Variants in KLHL29 observed in about 807,000 individuals in gnomAD.
The protein encoded by KLHL29 is kelch-like protein 29.
A neutral mutation model predicts 80.4 loss-of-function variants in KLHL29; 21 were observed. That is an observed-to-expected ratio of 0.26 (90% CI 0.19 to 0.38). The LOEUF (loss-of-function observed/expected upper bound fraction) is 0.38. Ranked by LOEUF, KLHL29 falls within the 10% of genes least tolerant of loss-of-function variation. The probability of loss-of-function intolerance (pLI) is 1.00; values close to 1 mark genes in which losing one functional copy is unlikely to be tolerated. For missense variants in KLHL29, 867 were observed against 1,223.9 expected, an observed-to-expected ratio of 0.71 and a Z score of 4.35; for synonymous variants, 511 against 526.8, an observed-to-expected ratio of 0.97 and a Z score of 0.41.
At chr2:23,390,068 C>T (rs1666280196) in intron 1 of KLHL29, among the ~76,000 whole-genome samples, 1 of 152,182 alleles carries the variant, frequency 6.6e-6, no homozygotes, top group Non-Finnish European at 1.5e-5. Flanking sequence ...CTACAACCGC[C>T]ACAGGCTTAC....
At chr2:23,419,888 C>T (rs1306300520) in intron 1 of KLHL29, among the ~76,000 whole-genome samples, 1 of 152,198 alleles carries the variant, frequency 6.6e-6, no homozygotes, top group Admixed American at 6.5e-5. Context: ...ATTAGGCTGC[C>T]TGTCCCAGCT....
At chr2:23,476,640 C>T (rs1396607079) in intron 2 of KLHL29, among the ~76,000 whole-genome samples, 1 of 152,194 alleles carries the variant, frequency 6.6e-6, no homozygotes, top group Non-Finnish European at 1.5e-5. Context: ...AATGCCCTAA[C>T]GATGGACATT....
At chr2:23,527,095 T>A (rs1281419663) in intron 2 of KLHL29, among the ~76,000 whole-genome samples, 2 of 152,140 alleles carry the variant, frequency 1.3e-5, no homozygotes, top group African/African-American at 4.8e-5. Flanking sequence ...CCAGGAGAAC[T>A]GGGCGACGGT....
intron 1 of KLHL29, among the ~76,000 whole-genome samples, chr2:23,439,157 T>C (rs1377226231): frequency 6.6e-6 from 1 of 150,908 alleles, no homozygotes; most frequent in Non-Finnish European, 1.5e-5. Flanking sequence ...GGTGGTGATA[T>C]CCCCTTTATC....
chr2:23,685,903 C>T (rs986148584), intron 6 of KLHL29, among the ~76,000 whole-genome samples: 8 of 152,174 alleles, frequency 5.3e-5, no homozygotes, highest in African/African-American at 1.9e-4. Flanking sequence ...TCCAAACCAG[C>T]TAGAGAGGAC....
Position 23,685,026 on chromosome 2 carries a change from G to A in KLHL29, c.1079+489G>A, listed in dbSNP as rs1244981726. On this transcript the variant is annotated intron_variant, in intron 6 of 13. Coordinates refer to ENST00000486442, the MANE Select transcript of KLHL29 (RefSeq NM_052920.2). ...GCTGAGGAGCACAAGGTGCCCCCGG[G>A]GCTGCTTTTCCCCAGCCCAAGTAGG... Among the ~76,000 whole-genome samples, 3 of 152,174 alleles carry A rather than the reference G, an allele frequency of 2.0e-5. No homozygotes were observed. In the East Asian group the frequency reaches 5.8e-4, roughly 29 times the overall value.
intron 1 of KLHL29, among the ~76,000 whole-genome samples, chr2:23,467,893 C>A (rs1179450045): frequency 4.6e-5 from 7 of 151,876 alleles, no homozygotes; most frequent in Non-Finnish European, 8.8e-5. Flanking sequence ...CTGAGGAAGA[C>A]CCCTCTTCAT....
Position 23,691,361 on chromosome 2 carries a change from G to C in KLHL29, c.1080-313G>C, listed in dbSNP as rs751921566. The stretch of plus-strand genomic sequence containing the variant: ...ACCAGGGCCTGCAGTGGGCTGAACC[G>C]TATTGTTTCCCTTTGAGGCCAGTCC... On this transcript the variant is annotated intron_variant, in intron 6 of 13. Coordinates refer to ENST00000486442, the MANE Select transcript of KLHL29 (RefSeq NM_052920.2). 3.0e-5 allele frequency: 12 copies of C among 406,230 alleles called. 1 individual carries two copies. In the East Asian group the frequency reaches 6.6e-4, roughly 22 times the overall value. 25.2% of individuals were successfully genotyped at this position (406,230 alleles called of 1,614,324 possible).
At position 23,647,020 on chromosome 2, in the gene KLHL29, A is replaced by G. The variant is rs142474120; in HGVS notation, c.940+4170A>G. Reference sequence around the variant, plus strand: ...AGTTCAGCAGAGAAGGAGGCTAGGGAAGGGGCAGAAGGCCAGGCCCTCCCC... The same window carrying G: ...AGTTCAGCAGAGAAGGAGGCTAGGGGAGGGGCAGAAGGCCAGGCCCTCCCC... On this transcript the variant is annotated intron_variant, in intron 5 of 13. Transcript: ENST00000486442. The surrounding 1 kb of genome is among the most constrained non-coding windows in gnomAD (Gnocchi z 4.9). Among the ~76,000 whole-genome samples the G allele has an allele frequency of 1.8e-4, 28 of 152,304 alleles. No individual in the cohort carries two copies. The East Asian group carries it at 5.2e-3, about 28-fold the overall frequency.
chr2:23,631,205 C>T (rs1175260769), intron 3 of KLHL29, among the ~76,000 whole-genome samples: 1 of 152,208 alleles, frequency 6.6e-6, no homozygotes, highest in Non-Finnish European at 1.5e-5. Context: ...CTCCTACCAC[C>T]TGCCCCATCA....
In KLHL29 at chr2:23,706,585, G is replaced by A; in HGVS notation, c.2549G>A (p.Trp850Ter). ...MEAYEPTTNT[W>*]TLLPHMPCPV... ...GCCTACGAGCCCACAACCAACACATGGACCCTCCTCCCCCACATGCCCTGC... is the reference window on the plus strand; with the variant it reads ...GCCTACGAGCCCACAACCAACACATAGACCCTCCTCCCCCACATGCCCTGC... The change falls in exon 14 of 14, where the codon TGG becomes TAG. Residue 850 changes from tryptophan (W) to a stop codon, truncating the protein, a stop_gained. Coordinates refer to ENST00000486442, the MANE Select transcript of KLHL29 (RefSeq NM_052920.2). LOFTEE classifies it high-confidence loss of function. 3 of 1,537,132 alleles carry A rather than the reference G, an allele frequency of 2.0e-6. No individual in the cohort carries two copies. Among genetic ancestry groups the A allele is most frequent in the Non-Finnish European group, 2.6e-6 (3 of 1,146,836 alleles).
At chr2:23,621,022 C>T (rs1669167791) in intron 3 of KLHL29, among the ~76,000 whole-genome samples, 1 of 152,244 alleles carries the variant, frequency 6.6e-6, no homozygotes, top group South Asian at 2.1e-4. Context: ...TCTCATTGCT[C>T]AGGCTGGCAG....
intron 1 of KLHL29, among the ~76,000 whole-genome samples, chr2:23,425,895 CAGAG>C (rs1662992537): frequency 6.6e-6 from 1 of 152,136 alleles, no homozygotes; most frequent in South Asian, 2.1e-4. Context: ...AATCAAAGCC[CAGAG>C]AGGTGGGAAG....
chr2:23,494,097 CCT>C (rs1303057500), intron 2 of KLHL29, among the ~76,000 whole-genome samples: 23 of 152,284 alleles, frequency 1.5e-4, no homozygotes, highest in Middle Eastern at 3.4e-3. Context: ...TCGTATAAGA[CCT>C]CTGGGAAGCT....
At chr2:23,423,748 C>T (rs981406672) in intron 1 of KLHL29, among the ~76,000 whole-genome samples, 9 of 152,146 alleles carry the variant, frequency 5.9e-5, no homozygotes, top group African/African-American at 4.8e-5. Flanking sequence ...GCTGGTGCCC[C>T]GGGGCCTCCC....
intron 2 of KLHL29, among the ~76,000 whole-genome samples, chr2:23,492,761 T>G (rs1665140815): frequency 6.6e-6 from 1 of 152,158 alleles, no homozygotes; most frequent in South Asian, 2.1e-4. Context: ...GGTGATATCC[T>G]TAGAGAAGGG....
At chr2:23,424,278 A>G (rs1392488155) in intron 1 of KLHL29, among the ~76,000 whole-genome samples, 2 of 152,158 alleles carry the variant, frequency 1.3e-5, no homozygotes, top group Admixed American at 6.5e-5. Context: ...CTGAGTGTGC[A>G]CGTGTGCATG....
intron 2 of KLHL29, among the ~76,000 whole-genome samples, chr2:23,513,447 G>T (rs1266104410): frequency 6.6e-6 from 1 of 152,152 alleles, no homozygotes; most frequent in African/African-American, 2.4e-5. Context: ...CCTCTGTCAG[G>T]GTGGGCAGGG....
intron 3 of KLHL29, among the ~76,000 whole-genome samples, chr2:23,601,251 C>G (rs1375505034): frequency 1.3e-5 from 2 of 152,140 alleles, no homozygotes; most frequent in Non-Finnish European, 2.9e-5. Context: ...GGGGGCCCGG[C>G]AAGTCGGGGT....
Sources: allele counts gnomAD v4.1 joint callset (sites outside exome capture counted in the v4.1 genomes callset), GRCh38; gene constraint gnomAD v4.1.1; non-coding constraint Gnocchi (gnomAD v3.1); transcripts MANE v1.5; gene names NCBI Gene and HGNC (gene_info 2026-07-23, HGNC 2026-07-21).